The following RAD21 variants were observed in gnomAD, a reference collection of about 807,000 sequenced individuals.
RAD21 encodes RAD21 cohesin complex component.
In RAD21, 18 loss-of-function variants were observed where a neutral mutation model predicts 71.5. The observed-to-expected ratio is 0.25, with a 90% CI of 0.17 to 0.37. The LOEUF is 0.37. Among genes scored for constraint, RAD21 ranks in the 10% least tolerant of loss-of-function variants. The pLI is 1.00. For missense variants in RAD21, 493 were observed against 769.1 expected, an observed-to-expected ratio of 0.64 and a Z score of 4.25; for synonymous variants, 248 against 254.0, an observed-to-expected ratio of 0.98 and a Z score of 0.22.
chr8:116,850,656 C>G lies in RAD21; in HGVS notation c.1582G>C (p.Glu528Gln), dbSNP rs750042081. Reference protein sequence around the residue: ...ELELLPEKEKEKEKEKEDDEE... With the variant: ...ELELLPEKEKQKEKEKEDDEE... ...TCATCTTCTTTTTCCTTCTCTTTCT[C>G]CTTCTCTTTTTCTGGCAGAAGTTCT... Residue 528 changes from glutamate to glutamine, a missense_variant, in exon 12 of 14, where the codon GAG (glutamate) becomes CAG (glutamine). Glu to Gln is a conservative substitution (Grantham distance 29). Coordinates refer to ENST00000297338, the MANE Select transcript of RAD21 (RefSeq NM_006265.3). 2.7e-5 allele frequency: 44 copies of G among 1,610,588 alleles called. No homozygotes were observed. Among genetic ancestry groups the G allele is most frequent in the Non-Finnish European group, 3.7e-5 (43 of 1,177,172 alleles).
chr8:116,856,604 C>T (rs760173490), intron 7 of RAD21, 42 bp downstream of exon 7: 1 of 1,530,890 alleles, frequency 6.5e-7, no homozygotes, highest in South Asian at 1.3e-5. Context: ...TTTCTGGATG[C>T]CATACAATCA....
At chr8:116,862,002 G>T in intron 3 of RAD21, 62 bp from the exon 4 acceptor site, 1 of 1,289,556 alleles carries the variant, frequency 7.8e-7, no homozygotes, top group Non-Finnish European at 1.1e-6. Flanking sequence ...GGATCAGAGG[G>T]AGATAAGTAG....
At chr8:116,869,963 G>C (rs925537970) in intron 1 of RAD21, among the ~76,000 whole-genome samples, 4 of 152,024 alleles carry the variant, frequency 2.6e-5, no homozygotes, top group African/African-American at 9.7e-5. Flanking sequence ...ATATATTTTA[G>C]TTACGCGTAT....
chr8:116,861,415 T>C (rs763363255), intron 4 of RAD21, among the ~76,000 whole-genome samples: 3 of 150,514 alleles, frequency 2.0e-5, no homozygotes, highest in African/African-American at 7.4e-5. Context: ...TAAAAAGTTA[T>C]CTCGTATGTT....
Position 116,850,642 on chromosome 8 carries a change from T to C in RAD21, c.1596A>G (p.Glu532=). 6.2e-7 allele frequency: 1 copy of C among 1,609,428 alleles called. No individual in the cohort carries two copies. Among genetic ancestry groups the C allele is most frequent in the South Asian group, 1.1e-5 (1 of 90,916 alleles). Reference sequence around the variant, plus strand: ...CCTCTTCCTCTTCATCATCTTCTTTTTCCTTCTCTTTCTCCTTCTCTTTTT... The same window carrying C: ...CCTCTTCCTCTTCATCATCTTCTTTCTCCTTCTCTTTCTCCTTCTCTTTTT... ...LPEKEKEKEK[E]KEDDEEEEDE... is the part of the protein sequence containing the mutation. Residue 532 remains glutamate, a synonymous_variant, in exon 12 of 14, where the codon GAA becomes GAG. Transcript: ENST00000297338.
At chr8:116,859,846 C>T (rs1812552668) in intron 4 of RAD21, among the ~76,000 whole-genome samples, 1 of 152,084 alleles carries the variant, frequency 6.6e-6, no homozygotes, top group Admixed American at 6.6e-5. Flanking sequence ...CATGCCTAAG[C>T]TGATTTAGGC....
At chr8:116,873,635 TG>T (rs201849235) in intron 1 of RAD21, among the ~76,000 whole-genome samples, 10 of 136,766 alleles carry the variant, frequency 7.3e-5, no homozygotes, top group African/African-American at 2.7e-4. Flanking sequence ...GCACAAACGC[TG>T]TTTTTTTTTT....
Position 116,856,292 on chromosome 8 carries a change from T to TAAA in RAD21, c.815-7_815-5dup, listed in dbSNP as rs35902828. 78 of 1,175,286 alleles carry TAAA rather than the reference T, an allele frequency of 6.6e-5. No homozygotes were observed. The highest frequency in any genetic ancestry group is 6.2e-4 in the Admixed American group (13 of 21,074). 72.8% of individuals were successfully genotyped at this position (1,175,286 alleles called of 1,614,324 possible). On this transcript the variant is annotated splice_polypyrimidine_tract_variant and splice_region_variant and intron_variant, in intron 7 of 13. Coordinates refer to ENST00000297338, the MANE Select transcript of RAD21 (RefSeq NM_006265.3). ...TCAGGACTATCAGGCCCACCCACTG[T>TAAA]AAAAAAAAAAAAAAAAAAAAAAAGT...
intron 13 of RAD21, 99 bp downstream of exon 13, chr8:116,848,847 G>T: frequency 1.2e-6 from 1 of 834,358 alleles, no homozygotes; most frequent in East Asian, 2.9e-5. Flanking sequence ...TTTGACAAAG[G>T]TATGCTTTCT....
intron 1 of RAD21, among the ~76,000 whole-genome samples, chr8:116,873,124 T>A (rs1467531102): frequency 6.6e-6 from 1 of 152,236 alleles, no homozygotes; most frequent in African/African-American, 2.4e-5. Flanking sequence ...CAACTCTGGT[T>A]TGACATTTAA....
rs758001515 is a variant in RAD21 at position 116,854,278 on chromosome 8, A to G, written c.1128T>C (p.Pro376=). 1.3e-5 allele frequency: 21 copies of G among 1,613,564 alleles called. No homozygotes were observed. In the South Asian group the frequency reaches 2.2e-4, roughly 17 times the overall value. Residue 376 remains proline (P), a synonymous_variant, in exon 9 of 14, where the codon CCT becomes CCC. Coordinates refer to ENST00000297338, the MANE Select transcript of RAD21 (RefSeq NM_006265.3). ...TGGVEKLFSL[P]AQPLWNNRLL... Reference sequence around the variant, plus strand: ...GTCTGTTATTCCACAAAGGCTGAGCAGGTAAAGAAAACAGTTTTTCTACTC... The same window carrying G: ...GTCTGTTATTCCACAAAGGCTGAGCGGGTAAAGAAAACAGTTTTTCTACTC...
rs1812332293 is a variant in RAD21, at chr8:116,850,713, G to T, written c.1525C>A (p.Pro509Thr). 6.2e-7 allele frequency: 1 copy of T among 1,613,348 alleles called. No homozygotes were observed. Among genetic ancestry groups the T allele is most frequent in the African/African-American group, 1.3e-5 (1 of 74,840 alleles). Residue 509 changes from proline to threonine, a missense_variant, in exon 12 of 14, where the codon CCT (proline) becomes ACT (threonine). Physicochemically the swap from Pro to Thr is conservative, Grantham distance 38. Around this residue, in one of 5 missense-constraint regions of RAD21, gnomAD observed 225 missense variants for 218.3 expected, o/e 1.03. Coordinates refer to ENST00000297338, the MANE Select transcript of RAD21 (RefSeq NM_006265.3). Reference sequence around the variant, plus strand: ...GGTATTAGCTGACAGATATTTGGAGGTTCTTCTGGGGGAAGCTCTACAGGT... The same window carrying T: ...GGTATTAGCTGACAGATATTTGGAGTTTCTTCTGGGGGAAGCTCTACAGGT... Reference protein sequence around the residue: ...IPPVELPPEEPPNICQLIPEL... With the variant: ...IPPVELPPEETPNICQLIPEL...
intron 13 of RAD21, 58 bp from the exon 14 acceptor site, chr8:116,847,749 A>G: frequency 7.0e-7 from 1 of 1,435,830 alleles, no homozygotes; most frequent in Non-Finnish European, 9.5e-7. Flanking sequence ...TAATTCAGTG[A>G]GGATGCTGAT....
At chr8:116,863,617 T>G (rs1812633118) in intron 2 of RAD21, among the ~76,000 whole-genome samples, 1 of 152,154 alleles carries the variant, frequency 6.6e-6, no homozygotes, top group Non-Finnish European at 1.5e-5. Flanking sequence ...GTCTCATTCC[T>G]CTCTGCTAAT....
chr8:116,872,539 TACAC>T (rs5894355), intron 1 of RAD21, among the ~76,000 whole-genome samples: 4,698 of 148,286 alleles, frequency 0.032, 194 homozygotes, highest in East Asian at 0.15. Flanking sequence ...TATATATACA[TACAC>T]ACACACACAC....
chr8:116,855,836 C>T (rs1309453775), intron 8 of RAD21, among the ~76,000 whole-genome samples: 1 of 152,116 alleles, frequency 6.6e-6, no homozygotes, highest in Non-Finnish European at 1.5e-5. Context: ...AAGCTGCTAA[C>T]TTTCTGGGAA....
chr8:116,851,726 C>T (rs1412221580), intron 11 of RAD21: 2 of 418,570 alleles, frequency 4.8e-6, no homozygotes, highest in Admixed American at 7.4e-5. Context: ...CACTCTAAAG[C>T]AATACTATTC....
rs530788755 is a variant in RAD21, at chr8:116,847,460, C to T, written c.*40G>A. On this transcript the variant is annotated 3_prime_UTR_variant, in exon 14 of 14. Transcript: ENST00000297338. Reference sequence around the variant, plus strand: ...CCTACACATGGGGGCAATTTGTAAGCACTAGTGAATCAAACACTAGCTATA... The same window carrying T: ...CCTACACATGGGGGCAATTTGTAAGTACTAGTGAATCAAACACTAGCTATA... 8.5e-6 allele frequency: 13 copies of T among 1,526,602 alleles called. No individual in the cohort carries two copies. In the African/African-American group the frequency reaches 1.8e-4, roughly 21 times the overall value. The allele number at this position is 1,526,602 out of a possible 1,614,324, so 94.6% of individuals were successfully genotyped here. A position where few individuals can be genotyped will look rare whatever the true frequency, so the allele number is the denominator to read the frequency against.
intron 1 of RAD21, among the ~76,000 whole-genome samples, chr8:116,870,482 T>C (rs1399454971): frequency 6.6e-6 from 1 of 152,238 alleles, no homozygotes; most frequent in Non-Finnish European, 1.5e-5. Context: ...TATTTGCCAT[T>C]TGTTATTTTA....
Sources: gnomAD v4.1 joint callset for allele counts (sites outside exome capture counted in the v4.1 genomes callset) on GRCh38, gnomAD v4.1.1 for gene constraint, gnomAD v4.1.1 regional missense constraint, MANE v1.5 for transcripts, NCBI Gene and HGNC (gene_info 2026-07-23, HGNC 2026-07-21) for gene names.